Variants in ZMYM2 observed in about 807,000 individuals in gnomAD.
ZMYM2 encodes the protein zinc finger MYM-type protein 2.
In ZMYM2, 56 loss-of-function variants were observed where a neutral mutation model predicts 162.8. The ratio of observed to expected loss-of-function variants is 0.34; its 90% CI spans 0.28 to 0.43. The LOEUF (loss-of-function observed/expected upper bound fraction) is 0.43. Among genes scored for constraint, ZMYM2 ranks in the 20% least tolerant of loss-of-function variants. The pLI is 1.00. For missense variants in ZMYM2, 1,275 were observed against 1,621.8 expected, an observed-to-expected ratio of 0.79 and a Z score of 3.67; for synonymous variants, 510 against 541.6, an observed-to-expected ratio of 0.94 and a Z score of 0.81.
chr13:19,875,941 C>A, the ZMYM2 span, among the ~76,000 whole-genome samples: 2 of 151,976 alleles, frequency 1.3e-5, no homozygotes, highest in Non-Finnish European at 2.9e-5. Context: ...ACAAAATATC[C>A]TAAATGAAAC....
chr13:20,063,209 C>A (rs901158335), intron 18 of ZMYM2, among the ~76,000 whole-genome samples: 9 of 151,812 alleles, frequency 5.9e-5, no homozygotes, highest in Non-Finnish European at 1.2e-4. Context: ...TCAAGACCAG[C>A]CTGGGCAATG....
the ZMYM2 span, among the ~76,000 whole-genome samples, chr13:19,880,050 A>G: frequency 6.6e-6 from 1 of 151,862 alleles, no homozygotes; most frequent in African/African-American, 2.4e-5. Flanking sequence ...GCGCCTTTAG[A>G]CTCTAGGACC....
chr13:19,923,601 C>T, the ZMYM2 span, among the ~76,000 whole-genome samples: 1 of 149,542 alleles, frequency 6.7e-6, no homozygotes, highest in Non-Finnish European at 1.5e-5. Context: ...TTAAGCGATC[C>T]TTACACCCCA....
intron 4 of ZMYM2, among the ~76,000 whole-genome samples, chr13:20,004,833 G>A (rs1390633720): frequency 6.6e-6 from 1 of 151,812 alleles, no homozygotes; most frequent in Non-Finnish European, 1.5e-5. Flanking sequence ...ATCCTTTTTA[G>A]TGAATTTAAA....
chr13:20,017,326 C>T (rs928193198), intron 6 of ZMYM2, among the ~76,000 whole-genome samples: 14 of 152,312 alleles, frequency 9.2e-5, no homozygotes, highest in African/African-American at 2.6e-4. Flanking sequence ...GAGCTGTTGT[C>T]TTACTGTTTC....
the ZMYM2 span, among the ~76,000 whole-genome samples, chr13:19,946,666 T>G: frequency 6.6e-6 from 1 of 152,234 alleles, no homozygotes; most frequent in East Asian, 1.9e-4. Flanking sequence ...GATTCACTGT[T>G]GTATCCCTAG....
At chr13:20,027,112 T>A (rs1455380373) in intron 8 of ZMYM2, 91 bp from the exon 9 acceptor site, 4 of 866,914 alleles carry the variant, frequency 4.6e-6, no homozygotes, top group Non-Finnish European at 6.8e-6. Flanking sequence ...GTTTATTTTT[T>A]AACAGAAACT....
the ZMYM2 span, among the ~76,000 whole-genome samples, chr13:19,946,651 C>T: frequency 9.2e-3 from 1,406 of 152,270 alleles, 31 homozygotes; most frequent in African/African-American, 0.032. Flanking sequence ...GAACTACATC[C>T]GTGTGATTCA....
At chr13:19,986,979 C>T (rs1949199918) in intron 2 of ZMYM2, among the ~76,000 whole-genome samples, 1 of 151,550 alleles carries the variant, frequency 6.6e-6, no homozygotes, top group Admixed American at 6.6e-5. Context: ...GTGGCTCATG[C>T]CTGTAATCCC....
In ZMYM2 at chr13:20,086,734, A is replaced by T. The variant is rs892001303; in HGVS notation, c.*720A>T. ...TGCATCACCCAATCAATAAAAAACAAATATATATATGTATATATATGTATG... is the reference window on the plus strand; with the variant it reads ...TGCATCACCCAATCAATAAAAAACATATATATATATGTATATATATGTATG... On this transcript the variant is annotated 3_prime_UTR_variant, in exon 25 of 25. Coordinates refer to ENST00000610343, the MANE Select transcript of ZMYM2 (RefSeq NM_197968.4). The T allele has an allele frequency of 1.3e-5, 2 of 157,106 alleles. No homozygotes were observed. Among genetic ancestry groups the T allele is most frequent in the Non-Finnish European group, 2.7e-5 (2 of 74,802 alleles). 9.7% of individuals were successfully genotyped at this position (157,106 alleles called of 1,614,324 possible).
the ZMYM2 span, chr13:19,863,924 G>A: frequency 4.9e-5 from 1 of 20,396 alleles, no homozygotes; most frequent in Admixed American, 9.4e-4. Flanking sequence ...GGGTCCGCCA[G>A]GGTCAGGAGC....
chr13:20,078,286 A>G (rs1319755505), intron 21 of ZMYM2, among the ~76,000 whole-genome samples: 2 of 151,474 alleles, frequency 1.3e-5, no homozygotes. Flanking sequence ...AGCTTTATTC[A>G]TATAACGTTT....
At chr13:20,037,781 T>C (rs995282032) in intron 12 of ZMYM2, among the ~76,000 whole-genome samples, 1 of 152,076 alleles carries the variant, frequency 6.6e-6, no homozygotes, top group African/African-American at 2.4e-5. Context: ...CATGTGCAGG[T>C]TTTTTATATA....
chr13:20,078,151 AT>A (rs1460535468), intron 21 of ZMYM2, among the ~76,000 whole-genome samples: 7 of 150,652 alleles, frequency 4.6e-5, no homozygotes, highest in Non-Finnish European at 1.0e-4. Flanking sequence ...GATACTTGAA[AT>A]TTTTTTTTTC....
At chr13:19,882,762 C>G in the ZMYM2 span, among the ~76,000 whole-genome samples, 5 of 149,740 alleles carry the variant, frequency 3.3e-5, no homozygotes, top group African/African-American at 1.3e-4. Context: ...CAAAAAAGAA[C>G]ACGAAAACCA....
intron 3 of ZMYM2, among the ~76,000 whole-genome samples, chr13:19,995,918 T>C (rs1949983097): frequency 6.6e-6 from 1 of 151,982 alleles, no homozygotes. Context: ...TTGAGCCCCA[T>C]AGGCAGAGGT....
In ZMYM2 at chr13:20,027,466, T is replaced by A; in HGVS notation, c.1851+148T>A. ...AGGTGGATATCCTAGTCACAGAATA[T>A]GTGGCTGTACCAGTTTTCTATTTTA... On this transcript the variant is annotated intron_variant, in intron 9 of 24. Transcript: ENST00000610343. The A allele has an allele frequency of 5.1e-6, 3 of 584,096 alleles. No homozygotes were observed. The South Asian group carries it at 8.7e-5, about 17-fold the overall frequency. 36.2% of individuals were successfully genotyped at this position (584,096 alleles called of 1,614,324 possible).
At chr13:19,980,193 T>G (rs988933886) in intron 2 of ZMYM2, among the ~76,000 whole-genome samples, 6 of 152,092 alleles carry the variant, frequency 3.9e-5, no homozygotes, top group Non-Finnish European at 8.8e-5. Context: ...AAATTTTTAT[T>G]TTTATGTTGG....
At chr13:19,866,045 G>GGTT in the ZMYM2 span, among the ~76,000 whole-genome samples, 1 of 27,076 alleles carries the variant, frequency 3.7e-5, no homozygotes, top group Non-Finnish European at 2.1e-4. Context: ...AAATACTTAA[G>GGTT]ATTTTTTTTT....
Sources: allele counts gnomAD v4.1 joint callset (sites outside exome capture counted in the v4.1 genomes callset), GRCh38; gene constraint gnomAD v4.1.1; transcripts MANE v1.5; gene names NCBI Gene and HGNC (gene_info 2026-07-23, HGNC 2026-07-21).